The following ABCC11 variants were observed in gnomAD, a reference collection of about 807,000 sequenced individuals.
ABCC11 encodes ATP binding cassette subfamily C member 11, also known as ATP-binding cassette sub-family C member 11.
Under a neutral mutation model 149.3 loss-of-function variants are expected in ABCC11, and 135 were observed. The observed-to-expected ratio is 0.90, with a 90% CI of 0.79 to 1.04. ABCC11 has a LOEUF of 1.04. Among genes scored for constraint, ABCC11 ranks in the 50% least tolerant of loss-of-function variants. The probability of loss-of-function intolerance (pLI) is 0.00; values close to 1 mark genes in which losing one functional copy is unlikely to be tolerated. For missense variants in ABCC11, 1,680 were observed against 1,722.1 expected (o/e 0.98, Z 0.43); for synonymous variants, 665 against 671.4 (o/e 0.99, Z 0.15).
At chr16:48,202,056 C>G (rs1450738002) in intron 14 of ABCC11, among the ~76,000 whole-genome samples, 1 of 152,154 alleles carries the variant, frequency 6.6e-6, no homozygotes, top group East Asian at 1.9e-4. Flanking sequence ...GCCCAGTTTC[C>G]CCATTCATTC....
chr16:48,170,213 T>C lies in ABCC11; in HGVS notation c.3783A>G (p.Ser1261=). The C allele has an allele frequency of 6.2e-7, 1 of 1,612,808 alleles. No individual in the cohort carries two copies. Among genetic ancestry groups the C allele is most frequent in the Middle Eastern group, 1.7e-4 (1 of 6,060 alleles). The stretch of plus-strand genomic sequence containing the variant: ...CTGTATGCAGCTTTTTGGGGAACTT[T>C]GAGATCTGCGATATGGGAAGAAGAG... The part of the protein sequence containing the change: ...LERTFLTKAI[S]KFPKKLHTDV... The change falls in exon 28 of 30, where the codon TCA becomes TCG. Residue 1261 remains serine (S), a synonymous_variant. Transcript: ENST00000356608.
chr16:48,210,411 T>G (rs1220603386), intron 11 of ABCC11: 1 of 152,466 alleles, frequency 6.6e-6, no homozygotes, highest in East Asian at 1.9e-4. Context: ...TTTTAGACAT[T>G]TATCATTATA....
Position 48,176,916 on chromosome 16 carries a change from C to A in ABCC11, c.3538+8G>T. The A allele has an allele frequency of 6.2e-7, 1 of 1,612,462 alleles. No individual in the cohort carries two copies. Among genetic ancestry groups the A allele is most frequent in the South Asian group, 1.1e-5 (1 of 90,876 alleles). ...GCTGGGGACGCTCGCCCAGGAAGCT[C>A]AGCTCACCAGAGCCCGTCCTTCCCA... On this transcript the variant is annotated splice_region_variant and intron_variant, in intron 25 of 29. Coordinates refer to ENST00000356608, the MANE Select transcript of ABCC11 (RefSeq NM_001370497.1).
intron 27 of ABCC11, among the ~76,000 whole-genome samples, chr16:48,170,426 C>T (rs752700495): frequency 1.3e-5 from 2 of 152,148 alleles, no homozygotes; most frequent in Non-Finnish European, 2.9e-5. Context: ...AATGTCCTCT[C>T]AAAAGATCTT....
rs1020990116 is a variant in ABCC11 at position 48,227,870 on chromosome 16, G to A, written c.331C>T (p.Arg111Cys). Reference sequence around the variant, plus strand: ...GGAGGGATGGTGTTCTCATCTAAGCGACTCCGTAAGCTTTGGATCATGAGC... The same window carrying A: ...GGAGGGATGGTGTTCTCATCTAAGCAACTCCGTAAGCTTTGGATCATGAGC... ...TPLMIQSLRS[R>C]LDENTIPPLS... The change falls in exon 4 of 30, where the codon CGC becomes TGC. Residue 111 changes from arginine (R) to cysteine (C), a missense_variant. Physicochemically the swap from Arg to Cys is radical, Grantham distance 180. Coordinates refer to ENST00000356608, the MANE Select transcript of ABCC11 (RefSeq NM_001370497.1). 11 of 1,614,054 alleles carry A rather than the reference G, an allele frequency of 6.8e-6. No homozygotes were observed. The highest frequency in any genetic ancestry group is 6.7e-5 in the African/African-American group (5 of 75,010).
intron 1 of ABCC11, among the ~76,000 whole-genome samples, chr16:48,242,855 T>C (rs1237442568): frequency 6.6e-6 from 1 of 151,840 alleles, no homozygotes; most frequent in Non-Finnish European, 1.5e-5. Flanking sequence ...ATGAGAACAC[T>C]TGGACACAGG....
intron 23 of ABCC11, among the ~76,000 whole-genome samples, chr16:48,180,443 C>T (rs1213146189): frequency 6.6e-6 from 1 of 152,168 alleles, no homozygotes. Context: ...CATGCTAGGC[C>T]ACTAAATGAG....
intron 20 of ABCC11, among the ~76,000 whole-genome samples, chr16:48,191,155 A>G (rs1358693538): frequency 6.6e-6 from 1 of 152,222 alleles, no homozygotes; most frequent in Non-Finnish European, 1.5e-5. Context: ...TGAACTATGG[A>G]TATTCATTAA....
chr16:48,234,530 G>A (rs762053051), intron 1 of ABCC11, among the ~76,000 whole-genome samples: 10 of 152,046 alleles, frequency 6.6e-5, no homozygotes, highest in Middle Eastern at 3.2e-3. Flanking sequence ...TCGTCTTGCC[G>A]GGCACATCAT....
chr16:48,208,546 T>C (rs771920803), intron 11 of ABCC11, 50 bp from the exon 12 acceptor site: 2 of 1,600,752 alleles, frequency 1.2e-6, no homozygotes, highest in Non-Finnish European at 1.7e-6. Context: ...AGCCCTGGCA[T>C]ACCCACCTGC....
At chr16:48,201,473 T>A in intron 14 of ABCC11, among the ~76,000 whole-genome samples, 1 of 137,182 alleles carries the variant, frequency 7.3e-6, no homozygotes, top group Non-Finnish European at 1.6e-5. Flanking sequence ...TTTTTCTTTT[T>A]CTTTTTTTTT....
intron 1 of ABCC11, among the ~76,000 whole-genome samples, chr16:48,234,372 ATT>A (rs372376936): frequency 7.9e-5 from 12 of 151,008 alleles, no homozygotes; most frequent in Non-Finnish European, 1.5e-5. Context: ...AGTTTATATA[ATT>A]TTTTTTTTAT....
At chr16:48,220,384 T>A (rs1969654359) in intron 6 of ABCC11, among the ~76,000 whole-genome samples, 1 of 152,242 alleles carries the variant, frequency 6.6e-6, no homozygotes, top group Non-Finnish European at 1.5e-5. Flanking sequence ...GTTAGAGAAC[T>A]GACCAAGCGA....
Position 48,167,379 on chromosome 16 carries a change from G to C in ABCC11, c.4057-13C>G. On this transcript the variant is annotated splice_polypyrimidine_tract_variant and intron_variant, in intron 29 of 29. Coordinates refer to ENST00000356608, the MANE Select transcript of ABCC11 (RefSeq NM_001370497.1). ...CAAATTCTACCACCTGGAGGGTAGA[G>C]AAAGGCGAGGGGAGGATCAGGGCAC... The C allele has an allele frequency of 3.4e-6, 5 of 1,452,662 alleles. No homozygotes were observed. Among genetic ancestry groups the C allele is most frequent in the African/African-American group, 1.4e-5 (1 of 71,600 alleles). 90.0% of individuals were successfully genotyped at this position (1,452,662 alleles called of 1,614,324 possible).
Position 48,192,587 on chromosome 16 carries a change from G to A in ABCC11, c.2639C>T (p.Ser880Phe). Reference protein sequence around the residue: ...ALLLICVGVCSSGIFTKVTRK... With the variant: ...ALLLICVGVCFSGIFTKVTRK... ...CGTGACCTTGGTGAAAATCCCTGAG[G>A]AGCAGACCCCCACACAGATGAGGAG... The change falls in exon 20 of 30, where the codon TCC becomes TTC. Residue 880 changes from serine (S) to phenylalanine (F), a missense_variant. By Grantham distance (155) the Ser-to-Phe change is radical. Transcript: ENST00000356608. 1 of 1,614,216 alleles carries A rather than the reference G, an allele frequency of 6.2e-7. No homozygotes were observed. Among genetic ancestry groups the A allele is most frequent in the Non-Finnish European group, 8.5e-7 (1 of 1,180,042 alleles).
At chr16:48,205,834 G>A (rs148895966) in intron 12 of ABCC11, among the ~76,000 whole-genome samples, 12,665 of 146,964 alleles carry the variant, frequency 0.086, 550 homozygotes, top group Middle Eastern at 0.12. Context: ...TTTTTGAGAC[G>A]GAGTCTCGCT....
Position 48,184,495 on chromosome 16 carries a change from C to A in ABCC11, c.3203G>T (p.Gly1068Val). ...TLAVALFVAF[G>V]ISSTPYSFKV... ...AAAGGAGTAGGGGGTGGAGGAAATG[C>A]CAAAAGCCACGAACAGGGCAACAGC... The change falls in exon 23 of 30, where the codon GGC becomes GTC. Residue 1068 changes from glycine to valine, a missense_variant. Transcript: ENST00000356608. 1 of 1,614,166 alleles carries A rather than the reference C, an allele frequency of 6.2e-7. No homozygotes were observed. Among genetic ancestry groups the A allele is most frequent in the Non-Finnish European group, 8.5e-7 (1 of 1,180,014 alleles).
Position 48,231,998 on chromosome 16 carries a change from T to A in ABCC11, c.-18-59A>T, listed in dbSNP as rs80300935. 1,929 of 1,604,934 alleles carry A rather than the reference T, an allele frequency of 1.2e-3. 21 individuals are homozygous for A. In the African/African-American group the frequency reaches 0.022, roughly 19 times the overall value. ...CAGCAGGAGTTAGAAGAAGCTTAGA[T>A]CTCGCCTTGAGCAGCCAGAAGAGGG... On this transcript the variant is annotated intron_variant, in intron 1 of 29. Transcript: ENST00000356608.
chr16:48,202,206 TC>T (rs1324641538), intron 14 of ABCC11, among the ~76,000 whole-genome samples: 4 of 152,240 alleles, frequency 2.6e-5, no homozygotes, highest in Admixed American at 1.3e-4. Flanking sequence ...AGGTCAGTAC[TC>T]TTATTTATGC....
Sources: gnomAD v4.1 joint callset for allele counts (sites outside exome capture counted in the v4.1 genomes callset) on GRCh38, gnomAD v4.1.1 for gene constraint, MANE v1.5 for transcripts, NCBI Gene and HGNC (gene_info 2026-07-23, HGNC 2026-07-21) for gene names.